The following ZFAND2B variants were observed in gnomAD, a reference collection of about 807,000 sequenced individuals.
ZFAND2B encodes zinc finger AN1-type containing 2B.
A neutral mutation model predicts 38.2 loss-of-function variants in ZFAND2B; 27 were observed. That is an observed-to-expected ratio of 0.71 (90% CI 0.52 to 0.97). ZFAND2B has a LOEUF of 0.97. Ranked by LOEUF, ZFAND2B falls within the 50% of genes least tolerant of loss-of-function variation. ZFAND2B has a pLI of 0.00. For missense variants in ZFAND2B, 303 were observed against 331.5 expected (o/e 0.91, Z 0.67); for synonymous variants, 111 against 119.4 (o/e 0.93, Z 0.46).
chr2:219,207,479 C>T, intron 2 of ZFAND2B, 58 bp downstream of exon 2: 1 of 1,589,376 alleles, frequency 6.3e-7, no homozygotes, highest in Non-Finnish European at 8.6e-7. Context: ...GCAGAATCCC[C>T]CAAATCTGTG....
At chr2:219,208,927 CA>C (rs745443407) in intron 7 of ZFAND2B, 49 bp from the exon 8 acceptor site, 2 of 1,589,174 alleles carry the variant, frequency 1.3e-6, no homozygotes, top group African/African-American at 2.7e-5. Flanking sequence ...ATCAGATGTT[CA>C]AATTTCAGAT....
intron 7 of ZFAND2B, 47 bp downstream of exon 7, chr2:219,208,686 T>G: frequency 6.2e-7 from 1 of 1,610,272 alleles, no homozygotes; most frequent in Non-Finnish European, 8.5e-7. Context: ...GGGCAAGGGC[T>G]TGGTCTGGAG....
Position 219,208,236 on chromosome 2 carries a change from A to G in ZFAND2B, c.435-20A>G, listed in dbSNP as rs773406353. On this transcript the variant is annotated intron_variant, in intron 4 of 8. Coordinates refer to ENST00000289528, the MANE Select transcript of ZFAND2B (RefSeq NM_138802.3). ...AAGGCTAGTTCTTGGAGACATGCCA[A>G]AAATCTCTCTTCCCTACAGACTTGC... 5.0e-6 allele frequency: 8 copies of G among 1,613,920 alleles called. No individual in the cohort carries two copies. The highest frequency in any genetic ancestry group is 3.4e-6 in the Non-Finnish European group (4 of 1,179,870).
chr2:219,208,173 G>GC, intron 4 of ZFAND2B, 83 bp from the exon 5 acceptor site: 2 of 1,596,754 alleles, frequency 1.3e-6, no homozygotes, highest in Non-Finnish European at 1.7e-6. Context: ...CTTTTCAAGT[G>GC]CATGTTTTTC....
chr2:219,207,118 G>C lies in ZFAND2B; in HGVS notation c.55+76G>C, dbSNP rs1020667127. 655 of 1,154,364 alleles carry C rather than the reference G, an allele frequency of 5.7e-4. 3 individuals carry two copies. Among genetic ancestry groups the C allele is most frequent in the Non-Finnish European group, 7.8e-4 (633 of 808,118 alleles). The allele number at this position is 1,154,364 out of a possible 1,614,324, so 71.5% of individuals were successfully genotyped here. A position where few individuals can be genotyped will look rare whatever the true frequency, so the allele number is the denominator to read the frequency against. The stretch of plus-strand genomic sequence containing the variant: ...ACCGCAGGTTGGGAGGGAAGGGTGG[G>C]CTCCCAGGCTGGCAATGCCGGGGGG... On this transcript the variant is annotated intron_variant, in intron 1 of 8. Transcript: ENST00000289528.
chr2:219,208,568 G>T lies in ZFAND2B; in HGVS notation c.589-4G>T, dbSNP rs746772880. ...GGACGCTGGTCTTCTTTCTCCCTTT[G>T]TAGAGTGAGGATGAAGCTCTGCAGC... On this transcript the variant is annotated splice_polypyrimidine_tract_variant and splice_region_variant and intron_variant, in intron 6 of 8. Coordinates refer to ENST00000289528, the MANE Select transcript of ZFAND2B (RefSeq NM_138802.3). 26 of 1,614,240 alleles carry T rather than the reference G, an allele frequency of 1.6e-5. No homozygotes were observed. The highest frequency in any genetic ancestry group is 2.1e-5 in the Non-Finnish European group (25 of 1,180,042).
intron 3 of ZFAND2B, 31 bp from the exon 4 acceptor site, chr2:219,207,856 C>T: frequency 6.2e-7 from 1 of 1,613,984 alleles, no homozygotes; most frequent in Non-Finnish European, 8.5e-7. Context: ...ATCAGAGTCT[C>T]AGCAGAGACA....
rs1559231279 is a variant in ZFAND2B, at chr2:219,207,430, GC to G, written c.150+10del. ...GATCTGCTTACCAAAAGGTGAGGGGGCGATCCTCAGGGTGAAAGCAGGCAGA... is the reference window on the plus strand; with the variant it reads ...GATCTGCTTACCAAAAGGTGAGGGGGGATCCTCAGGGTGAAAGCAGGCAGA... On this transcript the variant is annotated intron_variant, in intron 2 of 8. Transcript: ENST00000289528. The G allele has an allele frequency of 3.1e-6, 5 of 1,607,500 alleles. No homozygotes were observed. The highest frequency in any genetic ancestry group is 4.3e-6 in the Non-Finnish European group (5 of 1,174,440).
chr2:219,207,432 G>T lies in ZFAND2B; in HGVS notation c.150+11G>T. ...TCTGCTTACCAAAAGGTGAGGGGGC[G>T]ATCCTCAGGGTGAAAGCAGGCAGAT... is the stretch of plus-strand genomic sequence containing the variant. On this transcript the variant is annotated intron_variant, in intron 2 of 8. Transcript: ENST00000289528. 6 of 1,606,714 alleles carry T rather than the reference G, an allele frequency of 3.7e-6. No homozygotes were observed. The highest frequency in any genetic ancestry group is 3.4e-6 in the Non-Finnish European group (4 of 1,173,780).
At chr2:219,209,076 C>G in intron 8 of ZFAND2B, 27 bp downstream of exon 8, 1 of 1,613,280 alleles carries the variant, frequency 6.2e-7, no homozygotes, top group South Asian at 1.1e-5. Context: ...AAGATATATG[C>G]TGCAGTGGAA....
rs1280924621 is a variant in ZFAND2B, at chr2:219,208,286, G to A, written c.465G>A (p.Val155=). 1.2e-6 allele frequency: 2 copies of A among 1,614,022 alleles called. No individual in the cohort carries two copies. Among genetic ancestry groups the A allele is most frequent in the Non-Finnish European group, 1.7e-6 (2 of 1,180,038 alleles). The change falls in exon 5 of 9, where the codon GTG becomes GTA. Residue 155 remains valine (V), a synonymous_variant. Transcript: ENST00000289528. Reference sequence around the variant, plus strand: ...CTGCCATCTCCAGAGCACAAGCTGTGGCTTCTACAAGCACTGTCCCCAGCC... The same window carrying A: ...CTGCCATCTCCAGAGCACAAGCTGTAGCTTCTACAAGCACTGTCCCCAGCC... ...GLAAISRAQA[V]ASTSTVPSPS...
Position 219,207,724 on chromosome 2 carries a change from T to C in ZFAND2B, c.227T>C (p.Val76Ala), listed in dbSNP as rs1194884981. The C allele has an allele frequency of 6.2e-7, 1 of 1,614,112 alleles. No homozygotes were observed. The highest frequency in any genetic ancestry group is 1.1e-5 in the South Asian group (1 of 91,082). The change falls in exon 3 of 9, where the codon GTG (valine) becomes GCG (alanine). Residue 76 changes from valine (V) to alanine (A), a missense_variant. Val to Ala is a moderately conservative substitution (Grantham distance 64, BLOSUM62 0). Coordinates refer to ENST00000289528, the MANE Select transcript of ZFAND2B (RefSeq NM_138802.3). ...AGAGGGGAGCCCCCTGACCGTGCTG[T>C]GGGAGAGCACATTGACAGAGACTGT... ...VARGEPPDRA[V>A]GEHIDRDCRS... is the part of the protein sequence containing the mutation.
In ZFAND2B at chr2:219,208,558, TTC is replaced by T. The variant is rs1478559535; in HGVS notation, c.589-11_589-10del. The T allele has an allele frequency of 2.5e-6, 4 of 1,614,224 alleles. No homozygotes were observed. The highest frequency in any genetic ancestry group is 3.4e-6 in the Non-Finnish European group (4 of 1,180,038). On this transcript the variant is annotated splice_polypyrimidine_tract_variant and intron_variant, in intron 6 of 8. Coordinates refer to ENST00000289528, the MANE Select transcript of ZFAND2B (RefSeq NM_138802.3). The stretch of plus-strand genomic sequence containing the variant: ...TGAAGTCCAAGGACGCTGGTCTTCT[TTC>T]TCCCTTTGTAGAGTGAGGATGAAGC...
Position 219,206,830 on chromosome 2 carries a change from T to A in ZFAND2B, c.-158T>A. The A allele has an allele frequency of 1.4e-6, 1 of 739,428 alleles. No individual in the cohort carries two copies. Among genetic ancestry groups the A allele is most frequent in the Non-Finnish European group, 2.0e-6 (1 of 506,200 alleles). The allele number at this position is 739,428 out of a possible 1,614,324, so 45.8% of individuals were successfully genotyped here. A position where few individuals can be genotyped will look rare whatever the true frequency, so the allele number is the denominator to read the frequency against. On this transcript the variant is annotated 5_prime_UTR_variant, in exon 1 of 9. Transcript: ENST00000289528. ...GGAGGAGCGGGCGCCGGGGGCCGGC[T>A]GGCGCGGGGGCTCCGGTAACCCGGG...
chr2:219,208,971 T>A lies in ZFAND2B; in HGVS notation c.657-6T>A. On this transcript the variant is annotated splice_polypyrimidine_tract_variant and splice_region_variant and intron_variant, in intron 7 of 8. Transcript: ENST00000289528. ...TCATCCAACTTAAACTGTTTCTCCC[T>A]CCCAGTTGTCAGGAGGAAGAAGACC... is the stretch of plus-strand genomic sequence containing the variant. 6.2e-7 allele frequency: 1 copy of A among 1,614,030 alleles called. No homozygotes were observed. Among genetic ancestry groups the A allele is most frequent in the Non-Finnish European group, 8.5e-7 (1 of 1,179,936 alleles).
chr2:219,208,174 C>A, intron 4 of ZFAND2B, 82 bp from the exon 5 acceptor site: 1 of 1,595,044 alleles, frequency 6.3e-7, no homozygotes, highest in Non-Finnish European at 8.6e-7. Flanking sequence ...TTTTCAAGTG[C>A]ATGTTTTTCC....
At chr2:219,208,138 T>C in intron 4 of ZFAND2B, 100 bp downstream of exon 4, 3 of 1,597,118 alleles carry the variant, frequency 1.9e-6, no homozygotes, top group South Asian at 2.2e-5. Context: ...CCCTACCCTG[T>C]CGGCTAGGGG....
In ZFAND2B at chr2:219,207,362, A is replaced by G; in HGVS notation, c.91A>G (p.Ile31Val). ...GCTTAAGTGTGATGCCTGCTCAGGC[A>G]TCTTCTGCGCAGACCATGTGGCCTA... Reference protein sequence around the residue: ...LPLKCDACSGIFCADHVAYAQ... With the variant: ...LPLKCDACSGVFCADHVAYAQ... The change falls in exon 2 of 9, where the codon ATC becomes GTC. Residue 31 changes from isoleucine (I) to valine (V), a missense_variant. Transcript: ENST00000289528. 6.2e-7 allele frequency: 1 copy of G among 1,613,880 alleles called. No homozygotes were observed. The highest frequency in any genetic ancestry group is 1.7e-5 in the Admixed American group (1 of 60,022).
intron 2 of ZFAND2B, 76 bp from the exon 3 acceptor site, chr2:219,207,572 T>C: frequency 6.2e-7 from 1 of 1,601,752 alleles, no homozygotes; most frequent in Non-Finnish European, 8.5e-7. Flanking sequence ...TGGTGGGTCA[T>C]ATCCAAGTTC....
Sources: allele counts gnomAD v4.1 joint callset, GRCh38; gene constraint gnomAD v4.1.1; transcripts MANE v1.5; gene names NCBI Gene and HGNC (gene_info 2026-07-23, HGNC 2026-07-21).